CLSTN2: variants seen among roughly 807,000 people sequenced by gnomAD.
CLSTN2 encodes calsyntenin-2.
A neutral mutation model predicts 101.2 loss-of-function variants in CLSTN2; 48 were observed. That is an observed-to-expected ratio of 0.47 (90% CI 0.38 to 0.60). The LOEUF (loss-of-function observed/expected upper bound fraction) is 0.60. Ranked by LOEUF, CLSTN2 falls within the 20% of genes least tolerant of loss-of-function variation. CLSTN2 has a pLI of 0.00. For missense variants in CLSTN2, 1,160 were observed against 1,238.2 expected (o/e 0.94, Z 0.95); for synonymous variants, 481 against 463.6 (o/e 1.04, Z -0.48).
intron 8 of CLSTN2, among the ~76,000 whole-genome samples, chr3:140,510,540 G>A (rs1448285546): frequency 2.0e-5 from 3 of 152,136 alleles, no homozygotes; most frequent in African/African-American, 7.2e-5. Context: ...ATTGTTTTGG[G>A]GATTTGCCCA....
At chr3:140,418,490 GTTCTTTCT>G (rs368168635) in intron 4 of CLSTN2, among the ~76,000 whole-genome samples, 1,891 of 126,826 alleles carry the variant, frequency 0.015, 31 homozygotes, top group East Asian at 0.026. Flanking sequence ...GATTATTCTA[GTTCTTTCT>G]TTCTTTCTTT....
chr3:140,400,039 G>A (rs1273527005), intron 2 of CLSTN2, among the ~76,000 whole-genome samples: 4 of 151,696 alleles, frequency 2.6e-5, no homozygotes, highest in Non-Finnish European at 5.9e-5. Context: ...TAAGTGATTG[G>A]CTAATACAGG....
At chr3:140,557,287 G>A (rs1250184065) in intron 11 of CLSTN2, among the ~76,000 whole-genome samples, 2 of 152,158 alleles carry the variant, frequency 1.3e-5, no homozygotes, top group South Asian at 2.1e-4. Context: ...CTAGAGTCGG[G>A]AGAAGGACTC....
At chr3:140,530,305 C>A in intron 8 of CLSTN2, among the ~76,000 whole-genome samples, 1 of 152,170 alleles carries the variant, frequency 6.6e-6, no homozygotes, top group East Asian at 1.9e-4. Flanking sequence ...TCCAAATAGA[C>A]CTTTCCCAGC....
intron 1 of CLSTN2, among the ~76,000 whole-genome samples, chr3:140,121,423 C>T (rs2009339144): frequency 6.6e-6 from 1 of 152,120 alleles, no homozygotes; most frequent in South Asian, 2.1e-4. Context: ...CTTCCCAGGC[C>T]CAGAGTGGTG....
At position 139,937,904 on chromosome 3, in the gene CLSTN2, A is replaced by AT. The variant is rs543426060; in HGVS notation, c.109+2430dup. Among the ~76,000 whole-genome samples, 115 of 151,122 alleles carry AT rather than the reference A, an allele frequency of 7.6e-4. 1 individual carries two copies. Among genetic ancestry groups the AT allele is most frequent in the South Asian group, 5.9e-3 (28 of 4,762 alleles). On this transcript the variant is annotated intron_variant, in intron 1 of 16. Coordinates refer to ENST00000458420, the MANE Select transcript of CLSTN2 (RefSeq NM_022131.3). ...CTGCAAAGAGCTCTGTTTGCTGCTG[A>AT]TTTTTTTTTCAAGATAAATGTGTAA...
chr3:140,114,819 T>C (rs1374079082), intron 1 of CLSTN2, among the ~76,000 whole-genome samples: 1 of 152,210 alleles, frequency 6.6e-6, no homozygotes, highest in Non-Finnish European at 1.5e-5. Flanking sequence ...TCATCCCAGC[T>C]GCACAGCGAC....
intron 1 of CLSTN2, among the ~76,000 whole-genome samples, chr3:140,095,709 T>G (rs992715374): frequency 2.6e-5 from 4 of 152,192 alleles, no homozygotes; most frequent in African/African-American, 9.6e-5. Flanking sequence ...CACTAAATTT[T>G]CTGCACAAAA....
chr3:140,412,624 G>A (rs960804439), intron 4 of CLSTN2, among the ~76,000 whole-genome samples: 1 of 152,178 alleles, frequency 6.6e-6, no homozygotes, highest in African/African-American at 2.4e-5. Flanking sequence ...GAATGCCAAG[G>A]TAACATAAAA....
At chr3:140,412,629 A>G (rs1424874530) in intron 4 of CLSTN2, among the ~76,000 whole-genome samples, 2 of 152,240 alleles carry the variant, frequency 1.3e-5, no homozygotes, top group Non-Finnish European at 2.9e-5. Flanking sequence ...CCAAGGTAAC[A>G]TAAAATTGTA....
At chr3:140,258,387 G>A (rs367873083) in intron 2 of CLSTN2, among the ~76,000 whole-genome samples, 1 of 152,252 alleles carries the variant, frequency 6.6e-6, no homozygotes, top group Admixed American at 6.5e-5. Context: ...CCATGGCCGG[G>A]CTTTGGGAAG....
intron 2 of CLSTN2, among the ~76,000 whole-genome samples, chr3:140,359,950 GTATT>G (rs1189928781): frequency 6.8e-6 from 1 of 146,542 alleles, no homozygotes; most frequent in Non-Finnish European, 1.5e-5. Context: ...CTTTATATAT[GTATT>G]TATATGTAAT....
chr3:140,164,109 T>C lies in CLSTN2; in HGVS notation c.110-11842T>C, dbSNP rs376924467. ...AAAATATTTTGTGTAAAAAATGAGC[T>C]GACTCTAGCAAGTGAATGTGAGCAT... is the stretch of plus-strand genomic sequence containing the variant. On this transcript the variant is annotated intron_variant, in intron 1 of 16. Transcript: ENST00000458420. Among the ~76,000 whole-genome samples the C allele has an allele frequency of 4.2e-4, 64 of 152,326 alleles. No homozygotes were observed. In the East Asian group the frequency reaches 6.0e-3, roughly 14 times the overall value.
chr3:140,539,474 G>A (rs1242426663), intron 9 of CLSTN2, among the ~76,000 whole-genome samples: 3 of 152,184 alleles, frequency 2.0e-5, no homozygotes, highest in African/African-American at 7.2e-5. Context: ...TTTTAACTTT[G>A]TATCAATTTT....
At chr3:139,967,544 G>A (rs188406390) in intron 1 of CLSTN2, among the ~76,000 whole-genome samples, 2 of 152,296 alleles carry the variant, frequency 1.3e-5, no homozygotes, top group East Asian at 3.9e-4. Flanking sequence ...TGGCATGTGG[G>A]ACTCAAGGCA....
intron 1 of CLSTN2, among the ~76,000 whole-genome samples, chr3:140,147,122 G>A (rs1474808233): frequency 6.6e-6 from 1 of 152,222 alleles, no homozygotes; most frequent in East Asian, 1.9e-4. Context: ...CAGTCCAATA[G>A]ATAGTAACAA....
chr3:140,403,108 A>T (rs942478543), intron 2 of CLSTN2, among the ~76,000 whole-genome samples: 1 of 152,216 alleles, frequency 6.6e-6, no homozygotes, highest in African/African-American at 2.4e-5. Flanking sequence ...ACATTAACGC[A>T]GCTGAAGGAG....
chr3:140,486,781 G>T (rs562918765), intron 8 of CLSTN2, among the ~76,000 whole-genome samples: 1 of 152,168 alleles, frequency 6.6e-6, no homozygotes, highest in Non-Finnish European at 1.5e-5. Flanking sequence ...GTAGAGGTGC[G>T]TGAATAATGA....
At position 140,109,945 on chromosome 3, in the gene CLSTN2, T is replaced by C. The variant is rs551896128; in HGVS notation, c.110-66006T>C. ...GAAATGTGTTAAAAGCACCCCAGGT[T>C]TCCTTGATCACAGTCAACCCTCCCA... On this transcript the variant is annotated intron_variant, in intron 1 of 16. Coordinates refer to ENST00000458420, the MANE Select transcript of CLSTN2 (RefSeq NM_022131.3). Among the ~76,000 whole-genome samples, 6 of 152,270 alleles carry C rather than the reference T, an allele frequency of 3.9e-5. No individual in the cohort carries two copies. In the South Asian group the frequency reaches 1.2e-3, roughly 32 times the overall value.
Sources: gnomAD v4.1 joint callset for allele counts (sites outside exome capture counted in the v4.1 genomes callset) on GRCh38, gnomAD v4.1.1 for gene constraint, MANE v1.5 for transcripts, NCBI Gene and HGNC (gene_info 2026-07-23, HGNC 2026-07-21) for gene names.